Variants in MND1 observed in about 807,000 individuals in gnomAD.
MND1 encodes the protein meiotic nuclear division protein 1 homolog.
MND1 carries 28 observed loss-of-function variants against 35.1 expected under a neutral mutation model. The observed-to-expected ratio is 0.80, with a 90% CI of 0.59 to 1.09. The LOEUF (loss-of-function observed/expected upper bound fraction) is 1.09. MND1 is among the 50% of genes least tolerant of loss of function. The probability of loss-of-function intolerance (pLI) is 0.00; values close to 1 mark genes in which losing one functional copy is unlikely to be tolerated. For missense variants in MND1, 213 were observed against 239.6 expected (o/e 0.89, Z 0.73); for synonymous variants, 69 against 70.5 (o/e 0.98, Z 0.11).
At chr4:153,405,455 G>T (rs1457162176) in intron 6 of MND1, among the ~76,000 whole-genome samples, 2 of 151,778 alleles carry the variant, frequency 1.3e-5, no homozygotes, top group African/African-American at 2.4e-5. Flanking sequence ...AGAATAGTGT[G>T]AACCCAGGAG....
At chr4:153,396,881 C>G (rs1177772988) in intron 5 of MND1, among the ~76,000 whole-genome samples, 1 of 151,182 alleles carries the variant, frequency 6.6e-6, no homozygotes, top group Non-Finnish European at 1.5e-5. Flanking sequence ...TGAAACTACT[C>G]AAAAAGTAGT....
intron 4 of MND1, among the ~76,000 whole-genome samples, chr4:153,375,396 C>T (rs1003595253): frequency 2.0e-5 from 3 of 151,864 alleles, no homozygotes; most frequent in African/African-American, 7.3e-5. Context: ...AATAATTTGC[C>T]CAAGGTGACA....
chr4:153,369,142 A>G (rs983617449), intron 4 of MND1, among the ~76,000 whole-genome samples: 4 of 152,222 alleles, frequency 2.6e-5, no homozygotes, highest in African/African-American at 9.7e-5. Flanking sequence ...TCTCAGTTCT[A>G]TGATGGCTTT....
chr4:153,409,377 T>TAATAATAAG (rs1314423699), intron 7 of MND1, among the ~76,000 whole-genome samples: 1 of 151,650 alleles, frequency 6.6e-6, no homozygotes, highest in Admixed American at 6.6e-5. Flanking sequence ...TTGCTAATAA[T>TAATAATAAG]AATAATAATA....
chr4:153,378,886 C>G (rs552526962), intron 4 of MND1, among the ~76,000 whole-genome samples: 2 of 152,322 alleles, frequency 1.3e-5, no homozygotes, highest in East Asian at 3.9e-4. Context: ...AGTCAACTTT[C>G]TTAGTGCATG....
chr4:153,352,605 G>A (rs1448466624), intron 2 of MND1, among the ~76,000 whole-genome samples: 1 of 151,834 alleles, frequency 6.6e-6, no homozygotes, highest in Non-Finnish European at 1.5e-5. Context: ...CAGGTGCCAC[G>A]GCTCACACCT....
At chr4:153,378,967 A>G (rs1728585561) in intron 4 of MND1, among the ~76,000 whole-genome samples, 1 of 152,210 alleles carries the variant, frequency 6.6e-6, no homozygotes, top group African/African-American at 2.4e-5. Context: ...TATCTCTAAC[A>G]TGACATTAGC....
intron 7 of MND1, among the ~76,000 whole-genome samples, chr4:153,412,457 C>G (rs1428950751): frequency 6.6e-6 from 1 of 151,078 alleles, no homozygotes; most frequent in Non-Finnish European, 1.5e-5. Flanking sequence ...ACAGTTTTTC[C>G]TGTGTCTCTC....
Position 153,398,438 on chromosome 4 carries a change from T to A in MND1, c.466+1105T>A, listed in dbSNP as rs565161148. Among the ~76,000 whole-genome samples, 14 of 152,356 alleles carry A rather than the reference T, an allele frequency of 9.2e-5. No individual in the cohort carries two copies. In the South Asian group the frequency reaches 1.2e-3, roughly 14 times the overall value. ...ACTAAGCTGGCCTAGTCCTTGGCAG[T>A]GGTCTTTACAATTAAAGAATTGTAA... On this transcript the variant is annotated intron_variant, in intron 6 of 7. Transcript: ENST00000240488.
chr4:153,391,749 C>CACACACACACACACAT (rs1169686789), intron 4 of MND1, among the ~76,000 whole-genome samples: 37 of 151,644 alleles, frequency 2.4e-4, no homozygotes, highest in African/African-American at 8.7e-4. Context: ...CACACACACA[C>CACACACACACACACAT]ATACATACAT....
At chr4:153,383,213 G>A (rs1221246376) in intron 4 of MND1, among the ~76,000 whole-genome samples, 1 of 152,176 alleles carries the variant, frequency 6.6e-6, no homozygotes, top group Admixed American at 6.5e-5. Context: ...GTTAAATTCT[G>A]TCCCAGAGAA....
intron 4 of MND1, among the ~76,000 whole-genome samples, chr4:153,388,698 C>T (rs1185143063): frequency 6.6e-6 from 1 of 152,188 alleles, no homozygotes; most frequent in East Asian, 1.9e-4. Flanking sequence ...AGCAGCACCC[C>T]ACTAGCCCCA....
intron 3 of MND1, among the ~76,000 whole-genome samples, chr4:153,357,551 AG>A (rs139068285): frequency 0.017 from 2,521 of 152,336 alleles, 42 homozygotes; most frequent in East Asian, 0.056. Flanking sequence ...TACATTGAGT[AG>A]GCTGAGGAGG....
chr4:153,389,015 G>C (rs1728946709), intron 4 of MND1, among the ~76,000 whole-genome samples: 1 of 152,188 alleles, frequency 6.6e-6, no homozygotes, highest in African/African-American at 2.4e-5. Context: ...CATACTGATT[G>C]GTTTGTGAGT....
intron 4 of MND1, among the ~76,000 whole-genome samples, chr4:153,365,122 C>A (rs1773596143): frequency 6.6e-6 from 1 of 151,408 alleles, no homozygotes; most frequent in African/African-American, 2.4e-5. Context: ...AAAAAACTAT[C>A]CAAGCTACCA....
At chr4:153,359,189 AC>A (rs1484010884) in intron 4 of MND1, among the ~76,000 whole-genome samples, 44 of 152,236 alleles carry the variant, frequency 2.9e-4, no homozygotes, top group Non-Finnish European at 2.9e-5. Flanking sequence ...GCTGTTTCCT[AC>A]TTGTTCATCC....
intron 2 of MND1, among the ~76,000 whole-genome samples, chr4:153,350,951 T>TAAAAAAAAAAAAAAAAAAAAAAAAA (rs567868452): frequency 1.6e-5 from 2 of 123,546 alleles, no homozygotes; most frequent in Non-Finnish European, 1.8e-5. Flanking sequence ...AGATTCTTAG[T>TAAAAAAAAAAAAAAAAAAAAAAAAA]AAAAAAAAAA....
In MND1 at chr4:153,358,511, T is replaced by G. The variant is rs2084894767; in HGVS notation, c.165T>G (p.Val55=). Residue 55 remains valine, a synonymous_variant, in exon 4 of 8, where the codon GTT becomes GTG. Transcript: ENST00000240488. The part of the protein sequence containing the change: ...MSVKEVLQSL[V]DDGMVDCERI... Reference sequence around the variant, plus strand: ...TAAAAGAAGTCCTTCAAAGCTTAGTTGATGATGGTATGGTTGACTGTGAGA... The same window carrying G: ...TAAAAGAAGTCCTTCAAAGCTTAGTGGATGATGGTATGGTTGACTGTGAGA... The G allele has an allele frequency of 6.2e-7, 1 of 1,611,628 alleles. No homozygotes were observed. The highest frequency in any genetic ancestry group is 1.3e-5 in the African/African-American group (1 of 74,874).
intron 4 of MND1, among the ~76,000 whole-genome samples, chr4:153,382,197 T>A (rs907730012): frequency 1.2e-4 from 18 of 152,346 alleles, no homozygotes; most frequent in African/African-American, 3.1e-4. Flanking sequence ...ATAACTTTTG[T>A]ATATGATAAC....
Sources: gnomAD v4.1 joint callset for allele counts (sites outside exome capture counted in the v4.1 genomes callset) on GRCh38, gnomAD v4.1.1 for gene constraint, MANE v1.5 for transcripts, NCBI Gene and HGNC (gene_info 2026-07-23, HGNC 2026-07-21) for gene names.